CMIP: variants seen among roughly 807,000 people sequenced by gnomAD.
CMIP encodes C-Maf-inducing protein.
A neutral mutation model predicts 97.3 loss-of-function variants in CMIP; 13 were observed. The observed-to-expected ratio is 0.13, with a 90% CI of 0.09 to 0.21. The LOEUF is 0.21. Among genes scored for constraint, CMIP ranks in the 10% least tolerant of loss-of-function variants. The pLI is 1.00. For synonymous variants in CMIP, 538 were observed against 436.3 expected, an observed-to-expected ratio of 1.23 and a Z score of -2.91; for missense variants, 847 against 1,024.9, an observed-to-expected ratio of 0.83 and a Z score of 2.37.
At chr16:81,527,344 C>T (rs540119167) in intron 1 of CMIP, among the ~76,000 whole-genome samples, 25 of 151,932 alleles carry the variant, frequency 1.6e-4, no homozygotes, top group African/African-American at 3.9e-4. Context: ...GCCTGATGGA[C>T]GGGTAAAGGA....
chr16:81,653,062 C>T (rs745581072), intron 4 of CMIP, among the ~76,000 whole-genome samples: 5 of 152,214 alleles, frequency 3.3e-5, no homozygotes, highest in South Asian at 2.1e-4. Context: ...GAAGGCGCTT[C>T]GGAAATGTGC....
At chr16:81,456,266 C>T (rs1247696172) in intron 1 of CMIP, among the ~76,000 whole-genome samples, 2 of 152,178 alleles carry the variant, frequency 1.3e-5, no homozygotes, top group African/African-American at 2.4e-5. Context: ...ACCATTTCCT[C>T]CAGTCATTCT....
At chr16:81,587,810 G>C (rs1303236371) in intron 1 of CMIP, among the ~76,000 whole-genome samples, 1 of 152,186 alleles carries the variant, frequency 6.6e-6, no homozygotes, top group Non-Finnish European at 1.5e-5. Flanking sequence ...CTGAGGGTGA[G>C]AGCCTCAGAT....
At position 81,453,841 on chromosome 16, in the gene CMIP, C is replaced by T. The variant is rs111491742; in HGVS notation, c.300+8300C>T. 9.4e-3 allele frequency among the ~76,000 whole-genome samples: 1,434 copies of T among 152,118 alleles called. 14 individuals are homozygous for T. The highest frequency in any genetic ancestry group is 0.024 in the African/African-American group (1,008 of 41,480). On this transcript the variant is annotated intron_variant, in intron 1 of 20. Transcript: ENST00000537098. This position sits in a 1 kb window ranked among gnomAD's most constrained non-coding sequence, Gnocchi z 4.0. Reference sequence around the variant, plus strand: ...GAAAGAGTGAGCACCACAGCCAAGCCGTTTGTAGATCTGGCCGCTTGGTTG... The same window carrying T: ...GAAAGAGTGAGCACCACAGCCAAGCTGTTTGTAGATCTGGCCGCTTGGTTG...
intron 1 of CMIP, among the ~76,000 whole-genome samples, chr16:81,479,623 A>G (rs753430235): frequency 6.6e-6 from 1 of 152,010 alleles, no homozygotes; most frequent in Non-Finnish European, 1.5e-5. Flanking sequence ...TGTCTGGGTT[A>G]TGATTATTAT....
At chr16:81,484,311 C>T (rs974495108) in intron 1 of CMIP, among the ~76,000 whole-genome samples, 21 of 152,182 alleles carry the variant, frequency 1.4e-4, no homozygotes, top group Non-Finnish European at 2.1e-4. Flanking sequence ...CTGGGAGGCA[C>T]GGGAAGCCAA....
intron 1 of CMIP, among the ~76,000 whole-genome samples, chr16:81,566,216 C>T (rs554320347): frequency 2.0e-4 from 31 of 152,192 alleles, no homozygotes; most frequent in African/African-American, 6.5e-4. Flanking sequence ...TTGTGGCTTC[C>T]AGATAAAATT....
At chr16:81,547,446 G>C (rs372670599) in intron 1 of CMIP, among the ~76,000 whole-genome samples, 1 of 152,160 alleles carries the variant, frequency 6.6e-6, no homozygotes, top group African/African-American at 2.4e-5. Flanking sequence ...TCTTGCTGTG[G>C]GCACGCTGAG....
intron 17 of CMIP, 113 bp from the exon 18 acceptor site, chr16:81,703,826 C>T: frequency 7.1e-7 from 1 of 1,410,398 alleles, no homozygotes. Context: ...TACCGCCCCC[C>T]AGGAACAGCT....
At chr16:81,512,116 T>A (rs1323953911) in intron 1 of CMIP, among the ~76,000 whole-genome samples, 2 of 152,268 alleles carry the variant, frequency 1.3e-5, no homozygotes, top group African/African-American at 4.8e-5. Context: ...CTGTTTTACT[T>A]TTTTAAAATG....
intron 1 of CMIP, among the ~76,000 whole-genome samples, chr16:81,545,646 C>T (rs189090996): frequency 6.6e-6 from 1 of 152,264 alleles, no homozygotes; most frequent in African/African-American, 2.4e-5. Context: ...CTGCGATGCT[C>T]ACGGTAAAAC....
chr16:81,461,116 C>T (rs1458363409), intron 1 of CMIP, among the ~76,000 whole-genome samples: 1 of 152,172 alleles, frequency 6.6e-6, no homozygotes, highest in Non-Finnish European at 1.5e-5. Flanking sequence ...CATTGTTCTG[C>T]AGCTTCTGGC....
rs746944400 is a variant in CMIP, at chr16:81,693,494, C to G, written c.1530+7C>G. Reference sequence around the variant, plus strand: ...CGAAGACCCCAGGCAAGAGGTGAGGCCTTTGTTTCTGCATCTCAGGCCGGC... The same window carrying G: ...CGAAGACCCCAGGCAAGAGGTGAGGGCTTTGTTTCTGCATCTCAGGCCGGC... On this transcript the variant is annotated splice_region_variant and intron_variant, in intron 13 of 20. Coordinates refer to ENST00000537098, the MANE Select transcript of CMIP (RefSeq NM_198390.3). 6 of 1,610,822 alleles carry G rather than the reference C, an allele frequency of 3.7e-6. No individual in the cohort carries two copies. The highest frequency in any genetic ancestry group is 5.1e-6 in the Non-Finnish European group (6 of 1,178,186).
At chr16:81,583,031 C>CCTCTGCTTAAAGCAAGCA (rs2091322249) in intron 1 of CMIP, among the ~76,000 whole-genome samples, 1 of 152,096 alleles carries the variant, frequency 6.6e-6, no homozygotes, top group Non-Finnish European at 1.5e-5. Context: ...CTGCTTAAAG[C>CCTCTGCTTAAAGCAAGCA]GAGGAAAGAA....
At chr16:81,524,417 C>G (rs947735915) in intron 1 of CMIP, among the ~76,000 whole-genome samples, 5 of 152,220 alleles carry the variant, frequency 3.3e-5, no homozygotes, top group African/African-American at 1.2e-4. Flanking sequence ...TCTGCTATGT[C>G]CTAGACAGGT....
intron 6 of CMIP, among the ~76,000 whole-genome samples, chr16:81,663,133 G>A (rs1039656983): frequency 1.3e-5 from 2 of 151,462 alleles, no homozygotes; most frequent in Non-Finnish European, 2.9e-5. Flanking sequence ...TATGGCACTC[G>A]TAGGTATTTC....
chr16:81,645,951 G>T (rs2092359874), intron 3 of CMIP, among the ~76,000 whole-genome samples: 1 of 152,150 alleles, frequency 6.6e-6, no homozygotes, highest in African/African-American at 2.4e-5. Context: ...GAGCACCGGG[G>T]CTTGTCTGCT....
intron 1 of CMIP, among the ~76,000 whole-genome samples, chr16:81,538,526 A>G (rs899873957): frequency 6.6e-6 from 1 of 152,172 alleles, no homozygotes; most frequent in Non-Finnish European, 1.5e-5. Flanking sequence ...GAGTAAGTTG[A>G]TATCTGCAAT....
intron 1 of CMIP, among the ~76,000 whole-genome samples, chr16:81,569,639 G>T (rs1055425563): frequency 6.6e-6 from 1 of 152,218 alleles, no homozygotes; most frequent in Non-Finnish European, 1.5e-5. Context: ...ATGCTTGCCC[G>T]TTTCTACTGT....
Sources: allele counts gnomAD v4.1 joint callset (sites outside exome capture counted in the v4.1 genomes callset), GRCh38; gene constraint gnomAD v4.1.1; non-coding constraint Gnocchi (gnomAD v3.1); transcripts MANE v1.5; gene names NCBI Gene and HGNC (gene_info 2026-07-23, HGNC 2026-07-21).